Variants in MAML2 observed in about 807,000 individuals in gnomAD.
MAML2 encodes the protein mastermind like transcriptional coactivator 2, also known as mastermind-like protein 2.
Under a neutral mutation model 96.1 loss-of-function variants are expected in MAML2, and 22 were observed. The observed-to-expected ratio is 0.23, with a 90% CI of 0.16 to 0.33. MAML2 has a LOEUF of 0.33. Ranked by LOEUF, MAML2 falls within the 10% of genes least tolerant of loss-of-function variation. MAML2 has a pLI of 1.00. For synonymous variants in MAML2, 561 were observed against 521.3 expected, an observed-to-expected ratio of 1.08 and a Z score of -1.04; for missense variants, 1,367 against 1,392.4, an observed-to-expected ratio of 0.98 and a Z score of 0.29.
chr11:96,262,002 C>T (rs529296770), intron 1 of MAML2, among the ~76,000 whole-genome samples: 46 of 152,292 alleles, frequency 3.0e-4, no homozygotes, highest in Non-Finnish European at 5.6e-4. Flanking sequence ...GCTCATTATT[C>T]TCCATATTAA....
chr11:96,153,543 A>T (rs1453783207), intron 1 of MAML2, among the ~76,000 whole-genome samples: 1 of 152,182 alleles, frequency 6.6e-6, no homozygotes, highest in East Asian at 1.9e-4. Context: ...GAGGTTTTTG[A>T]CATTCTCTCA....
At position 95,977,981 on chromosome 11, in the gene MAML2, CT is replaced by C; in HGVS notation, c.*966del. The C allele has an allele frequency of 4.5e-6, 1 of 222,044 alleles. No homozygotes were observed. Among genetic ancestry groups the C allele is most frequent in the Non-Finnish European group, 9.0e-6 (1 of 111,056 alleles). 13.8% of individuals were successfully genotyped at this position (222,044 alleles called of 1,614,324 possible). On this transcript the variant is annotated 3_prime_UTR_variant, in exon 5 of 5. Transcript: ENST00000524717. Reference sequence around the variant, plus strand: ...ATCTCGGTTTTCTTCTCCAAACTTCCTTTTCTTATAAACCAGCCTCAGTCAT... The same window carrying C: ...ATCTCGGTTTTCTTCTCCAAACTTCCTTTCTTATAAACCAGCCTCAGTCAT...
chr11:96,299,323 T>C (rs1199601649), intron 1 of MAML2, among the ~76,000 whole-genome samples: 1 of 150,972 alleles, frequency 6.6e-6, no homozygotes, highest in Non-Finnish European at 1.5e-5. Flanking sequence ...TTGGAAACCA[T>C]ATATTCATAA....
intron 2 of MAML2, among the ~76,000 whole-genome samples, chr11:96,050,268 T>C (rs1016121030): frequency 3.9e-5 from 6 of 152,174 alleles, no homozygotes; most frequent in Non-Finnish European, 7.3e-5. Context: ...AATGGGACTG[T>C]CGGTAGGGGC....
intron 2 of MAML2, among the ~76,000 whole-genome samples, chr11:95,999,420 A>T (rs1858046057): frequency 1.3e-5 from 2 of 152,192 alleles, no homozygotes; most frequent in African/African-American, 4.8e-5. Context: ...AATGGGGTAC[A>T]AAATATCCCT....
At chr11:96,037,616 T>C (rs1393626908) in intron 2 of MAML2, among the ~76,000 whole-genome samples, 1 of 152,112 alleles carries the variant, frequency 6.6e-6, no homozygotes, top group Non-Finnish European at 1.5e-5. Context: ...ACCAGTAACA[T>C]AGAACAGGCC....
chr11:96,237,104 G>A (rs1862376242), intron 1 of MAML2, among the ~76,000 whole-genome samples: 1 of 152,176 alleles, frequency 6.6e-6, no homozygotes, highest in Non-Finnish European at 1.5e-5. Flanking sequence ...TTCAAAGGAA[G>A]AACTGCAATG....
At chr11:95,986,028 CT>C (rs1857822920) in intron 3 of MAML2, among the ~76,000 whole-genome samples, 1 of 152,166 alleles carries the variant, frequency 6.6e-6, no homozygotes, top group Non-Finnish European at 1.5e-5. Flanking sequence ...AAACACCCCC[CT>C]CTCTTGTTAA....
At chr11:96,201,153 T>C (rs1396791790) in intron 1 of MAML2, among the ~76,000 whole-genome samples, 2 of 152,214 alleles carry the variant, frequency 1.3e-5, no homozygotes, top group East Asian at 3.9e-4. Flanking sequence ...TCCATATAAC[T>C]ACTTACCATA....
At chr11:96,105,815 A>AT in intron 1 of MAML2, among the ~76,000 whole-genome samples, 1 of 152,080 alleles carries the variant, frequency 6.6e-6, no homozygotes, top group Non-Finnish European at 1.5e-5. Flanking sequence ...TCTAAGGGGA[A>AT]ATTGCCTAAC....
At chr11:96,037,740 G>A (rs12286219) in intron 2 of MAML2, among the ~76,000 whole-genome samples, 12,196 of 152,194 alleles carry the variant, frequency 0.08, 614 homozygotes, top group East Asian at 0.22. Flanking sequence ...TTCACCCACA[G>A]AGCCTGGATG....
chr11:96,038,954 A>G (rs923659828), intron 2 of MAML2, among the ~76,000 whole-genome samples: 12 of 152,212 alleles, frequency 7.9e-5, no homozygotes, highest in Non-Finnish European at 4.4e-5. Context: ...TAAATAAATG[A>G]ATGAAAATAA....
chr11:96,272,366 C>T (rs1239857575), intron 1 of MAML2, among the ~76,000 whole-genome samples: 1 of 152,206 alleles, frequency 6.6e-6, no homozygotes, highest in African/African-American at 2.4e-5. Flanking sequence ...GTTTACACGC[C>T]TCTTCCAGGT....
At chr11:96,279,189 C>G (rs1489790836) in intron 1 of MAML2, among the ~76,000 whole-genome samples, 2 of 152,084 alleles carry the variant, frequency 1.3e-5, no homozygotes, top group Non-Finnish European at 2.9e-5. Flanking sequence ...AGTGGAAAGG[C>G]CATTAGGCAG....
intron 2 of MAML2, among the ~76,000 whole-genome samples, chr11:96,072,174 T>A (rs367712095): frequency 2.6e-5 from 4 of 152,200 alleles, no homozygotes; most frequent in Admixed American, 2.0e-4. Context: ...CAACATGCAG[T>A]GTTCTTACAT....
At chr11:96,339,808 C>G (rs1336008736) in intron 1 of MAML2, among the ~76,000 whole-genome samples, 8 of 152,206 alleles carry the variant, frequency 5.3e-5, no homozygotes, top group Non-Finnish European at 7.3e-5. Flanking sequence ...TACCCCCCTC[C>G]TTTACCCTAA....
intron 1 of MAML2, among the ~76,000 whole-genome samples, chr11:96,198,182 A>G (rs1213597389): frequency 1.3e-5 from 2 of 152,178 alleles, no homozygotes; most frequent in African/African-American, 4.8e-5. Flanking sequence ...TTAGAAGGCT[A>G]TCAATTGACC....
intron 1 of MAML2, among the ~76,000 whole-genome samples, chr11:96,246,840 G>A (rs1277895077): frequency 1.3e-5 from 2 of 152,122 alleles, no homozygotes. Flanking sequence ...CACAGCATTT[G>A]TCAATTACGA....
chr11:96,121,688 A>G (rs1270109889), intron 1 of MAML2, among the ~76,000 whole-genome samples: 1 of 151,916 alleles, frequency 6.6e-6, no homozygotes. Context: ...CTTTTTCGCA[A>G]CATAAAGAAA....
Sources: allele counts gnomAD v4.1 joint callset (sites outside exome capture counted in the v4.1 genomes callset), GRCh38; gene constraint gnomAD v4.1.1; transcripts MANE v1.5; gene names NCBI Gene and HGNC (gene_info 2026-07-23, HGNC 2026-07-21).